The following RXFP2 variants were observed in gnomAD, a reference collection of about 807,000 sequenced individuals.
The protein encoded by RXFP2 is relaxin family peptide receptor 2.
A neutral mutation model predicts 88.6 loss-of-function variants in RXFP2; 68 were observed. The observed-to-expected ratio is 0.77, with a 90% CI of 0.63 to 0.94. The LOEUF is 0.94. RXFP2 is among the 40% of genes least tolerant of loss of function. The probability of loss-of-function intolerance (pLI) is 0.00; values close to 1 mark genes in which losing one functional copy is unlikely to be tolerated. For missense variants in RXFP2, 791 were observed against 893.9 expected (o/e 0.88, Z 1.47); for synonymous variants, 329 against 306.8 (o/e 1.07, Z -0.76).
Position 31,775,226 on chromosome 13 carries a change from C to A in RXFP2, c.570-92C>A, listed in dbSNP as rs201606771. The A allele has an allele frequency of 8.6e-5, 87 of 1,015,840 alleles. No individual in the cohort carries two copies. The African/African-American group carries it at 1.2e-3, about 15-fold the overall frequency. 62.9% of individuals were successfully genotyped at this position (1,015,840 alleles called of 1,614,324 possible). A position where few individuals can be genotyped will look rare whatever the true frequency, so the allele number is the denominator to read the frequency against. On this transcript the variant is annotated intron_variant, in intron 6 of 17. Transcript: ENST00000298386. Reference sequence around the variant, plus strand: ...TACTTTCAGACGCAGATGTCCATATCCATAATCATCATCAGTGGCTCATAT... The same window carrying A: ...TACTTTCAGACGCAGATGTCCATATACATAATCATCATCAGTGGCTCATAT...
chr13:31,744,716 T>C (rs375551533), intron 1 of RXFP2, among the ~76,000 whole-genome samples: 2 of 66,272 alleles, frequency 3.0e-5, no homozygotes, highest in African/African-American at 8.8e-5. Context: ...AGGTTTGTTT[T>C]TGTTTTTTTT....
rs1566227004 is a variant in RXFP2, at chr13:31,774,646, A to C, written c.524A>C (p.His175Pro). Reference protein sequence around the residue: ...KIFLQHNCIRHISRKAFFGLC... With the variant: ...KIFLQHNCIRPISRKAFFGLC... The stretch of plus-strand genomic sequence containing the variant: ...TTTCTTCAGCATAATTGCATTAGAC[A>C]CATATCCAGGAAAGCATTTTTTGGA... The change falls in exon 6 of 18, where the codon CAC becomes CCC. Residue 175 changes from histidine (H) to proline (P), a missense_variant. By Grantham distance (77) the His-to-Pro change is moderately conservative. Coordinates refer to ENST00000298386, the MANE Select transcript of RXFP2 (RefSeq NM_130806.5). The C allele has an allele frequency of 8.3e-6, 13 of 1,561,808 alleles. No homozygotes were observed. Among genetic ancestry groups the C allele is most frequent in the Non-Finnish European group, 1.1e-5 (13 of 1,132,458 alleles).
At chr13:31,756,621 A>ATTT (rs577728352) in intron 1 of RXFP2, among the ~76,000 whole-genome samples, 16 of 133,952 alleles carry the variant, frequency 1.2e-4, no homozygotes, top group South Asian at 2.5e-4. Flanking sequence ...TGAAGTTCCA[A>ATTT]TTTTTTTTTT....
intron 1 of RXFP2, among the ~76,000 whole-genome samples, chr13:31,749,106 T>C (rs1871552965): frequency 6.6e-6 from 1 of 152,236 alleles, no homozygotes; most frequent in Non-Finnish European, 1.5e-5. Flanking sequence ...TTCTCCTTAA[T>C]ACATCTATCT....
At position 31,802,401 on chromosome 13, in the gene RXFP2, C is replaced by CCTAGCAAT. The variant is rs1874395892; in HGVS notation, c.2263_*5dup. Reference sequence around the variant, plus strand: ...GGAGACAGTATAATGAAACCAGTTTCCTAGCAATCATTTTGGATCACTGGA... The same window carrying CCTAGCAAT: ...GGAGACAGTATAATGAAACCAGTTTCCTAGCAATCTAGCAATCATTTTGGATCACTGGA... On this transcript the variant is annotated stop_gained and frameshift_variant, in exon 18 of 18. Coordinates refer to ENST00000298386, the MANE Select transcript of RXFP2 (RefSeq NM_130806.5). LOFTEE classifies it high-confidence loss of function. The CCTAGCAAT allele has an allele frequency of 6.2e-7, 1 of 1,613,690 alleles. No homozygotes were observed. Among genetic ancestry groups the CCTAGCAAT allele is most frequent in the South Asian group, 1.1e-5 (1 of 91,048 alleles).
At chr13:31,756,042 G>A (rs10492609) in intron 1 of RXFP2, among the ~76,000 whole-genome samples, 27,796 of 151,980 alleles carry the variant, frequency 0.18, 2,492 homozygotes, top group East Asian at 0.24. Context: ...GGGTCATCAG[G>A]ACTAAATGAC....
intron 1 of RXFP2, among the ~76,000 whole-genome samples, chr13:31,744,560 CT>C (rs1396673232): frequency 7.2e-5 from 11 of 152,204 alleles, no homozygotes; most frequent in African/African-American, 2.7e-4. Context: ...ACCAACTGTT[CT>C]GTGCCATATT....
chr13:31,758,394 A>AGAGAACTGTGGTGAGTGCTCCCCTCG lies in RXFP2; in HGVS notation c.233_241+17dup. ...ATGACTGTGGGAACGGGGCGGACGA[A>AGAGAACTGTGGTGAGTGCTCCCCTCG]GAGAACTGTGGTGAGTGCTCCCCTC... On this transcript the variant is annotated frameshift_variant, in exon 2 of 18. Coordinates refer to ENST00000298386, the MANE Select transcript of RXFP2 (RefSeq NM_130806.5). LOFTEE classifies it high-confidence loss of function. 6.2e-7 allele frequency: 1 copy of AGAGAACTGTGGTGAGTGCTCCCCTCG among 1,614,060 alleles called. No individual in the cohort carries two copies. Among genetic ancestry groups the AGAGAACTGTGGTGAGTGCTCCCCTCG allele is most frequent in the Non-Finnish European group, 8.5e-7 (1 of 1,179,946 alleles).
intron 1 of RXFP2, among the ~76,000 whole-genome samples, chr13:31,744,627 G>A (rs1333618190): frequency 1.3e-5 from 2 of 152,014 alleles, no homozygotes; most frequent in Non-Finnish European, 2.9e-5. Flanking sequence ...AGTGTTAATA[G>A]AATGTGTCTG....
intron 5 of RXFP2, among the ~76,000 whole-genome samples, 163 bp downstream of exon 5, chr13:31,766,190 T>G (rs1872544026): frequency 6.6e-6 from 1 of 152,220 alleles, no homozygotes; most frequent in Non-Finnish European, 1.5e-5. Context: ...TATGTTATCT[T>G]TCCATTTCAT....
intron 1 of RXFP2, among the ~76,000 whole-genome samples, chr13:31,753,026 G>T (rs968903163): frequency 6.6e-6 from 1 of 152,128 alleles, no homozygotes; most frequent in Non-Finnish European, 1.5e-5. Flanking sequence ...TGACCAGGTC[G>T]TCTGACTTTT....
intron 5 of RXFP2, among the ~76,000 whole-genome samples, chr13:31,772,640 G>A (rs1312718513): frequency 6.6e-6 from 1 of 152,200 alleles, no homozygotes; most frequent in African/African-American, 2.4e-5. Flanking sequence ...AAGTTCAGCA[G>A]CCTAAGTCTG....
chr13:31,781,400 G>A (rs1416198851), intron 9 of RXFP2, among the ~76,000 whole-genome samples: 1 of 152,130 alleles, frequency 6.6e-6, no homozygotes, highest in Non-Finnish European at 1.5e-5. Flanking sequence ...AGTTTATGAT[G>A]GGTTGGGCAA....
chr13:31,759,945 A>G (rs985000796), intron 2 of RXFP2, among the ~76,000 whole-genome samples: 1 of 152,082 alleles, frequency 6.6e-6, no homozygotes, highest in African/African-American at 2.4e-5. Flanking sequence ...CTCCTCCAGG[A>G]GGGCTTCCCT....
At chr13:31,792,536 A>T in intron 15 of RXFP2, 142 bp from the exon 16 acceptor site, 1 of 765,264 alleles carries the variant, frequency 1.3e-6, no homozygotes, top group Non-Finnish European at 2.2e-6. Flanking sequence ...TGGTACTCAG[A>T]TGTTTACATT....
intron 1 of RXFP2, among the ~76,000 whole-genome samples, chr13:31,751,320 T>A (rs1014728352): frequency 6.6e-6 from 1 of 151,916 alleles, no homozygotes; most frequent in African/African-American, 2.4e-5. Flanking sequence ...TATATATATA[T>A]ACACAATATA....
chr13:31,748,872 C>T (rs549735024), intron 1 of RXFP2, among the ~76,000 whole-genome samples: 4 of 152,266 alleles, frequency 2.6e-5, no homozygotes, highest in South Asian at 2.1e-4. Flanking sequence ...TGTTGTGCAC[C>T]TGTAGTCCCA....
chr13:31,739,836 A>G (rs1004308906), intron 1 of RXFP2, 130 bp downstream of exon 1: 8 of 697,886 alleles, frequency 1.1e-5, no homozygotes, highest in Non-Finnish European at 1.8e-5. Flanking sequence ...TTTGCCTGGT[A>G]TTTGTCATTA....
At position 31,803,211 on chromosome 13, in the gene RXFP2, G is replaced by A. The variant is rs963936574; in HGVS notation, c.*806G>A. ...CTTTCATAAAATATGCAGATAAGAA[G>A]TGTTAAATGGGATTCAAGAATTATG... On this transcript the variant is annotated 3_prime_UTR_variant, in exon 18 of 18. Transcript: ENST00000298386. The A allele has an allele frequency of 2.6e-5, 4 of 152,140 alleles. No individual in the cohort carries two copies. Among genetic ancestry groups the A allele is most frequent in the Admixed American group, 2.0e-4 (3 of 15,272 alleles). 9.4% of individuals were successfully genotyped at this position (152,140 alleles called of 1,614,324 possible). A position where few individuals can be genotyped will look rare whatever the true frequency, so the allele number is the denominator to read the frequency against.
Sources: gnomAD v4.1 joint callset for allele counts (sites outside exome capture counted in the v4.1 genomes callset) on GRCh38, gnomAD v4.1.1 for gene constraint, MANE v1.5 for transcripts, NCBI Gene and HGNC (gene_info 2026-07-23, HGNC 2026-07-21) for gene names.